NRG1: variants seen among roughly 807,000 people sequenced by gnomAD.
NRG1 encodes the protein pro-neuregulin-1, membrane-bound isoform.
In NRG1, 18 loss-of-function variants were observed where a neutral mutation model predicts 63.8. That is an observed-to-expected ratio of 0.28 (90% CI 0.19 to 0.42). NRG1 has a LOEUF of 0.42. Ranked by LOEUF, NRG1 falls within the 10% of genes least tolerant of loss-of-function variation. NRG1 has a pLI of 1.00. For synonymous variants in NRG1, 302 were observed against 301.3 expected, an observed-to-expected ratio of 1.00 and a Z score of -0.02; for missense variants, 762 against 814.7, an observed-to-expected ratio of 0.94 and a Z score of 0.79.
chr8:32,040,647 GTATGTATA>G (rs1156352990), intron 1 of NRG1, among the ~76,000 whole-genome samples: 8 of 141,832 alleles, frequency 5.6e-5, no homozygotes, highest in East Asian at 2.1e-4. Context: ...GTATATATAT[GTATGTATA>G]TATGTATATA....
intron 5 of NRG1, among the ~76,000 whole-genome samples, chr8:32,688,556 C>T (rs1810784496): frequency 6.6e-6 from 1 of 152,124 alleles, no homozygotes; most frequent in Non-Finnish European, 1.5e-5. Flanking sequence ...CTCTGCTCAA[C>T]CCCAGCCCCT....
At chr8:32,462,870 C>G (rs1476410572) in intron 1 of NRG1, among the ~76,000 whole-genome samples, 5 of 152,084 alleles carry the variant, frequency 3.3e-5, no homozygotes, top group Admixed American at 3.3e-4. Context: ...TCCCAAAGTT[C>G]TGGGATTACA....
intron 1 of NRG1, among the ~76,000 whole-genome samples, chr8:31,875,293 T>C (rs1367092682): frequency 2.6e-5 from 4 of 152,186 alleles, no homozygotes; most frequent in South Asian, 4.1e-4. Flanking sequence ...TTGAGTTCAT[T>C]AATATTGTCT....
At chr8:32,454,573 CTTTTTTTTTTTTT>C (rs1158217383) in intron 1 of NRG1, among the ~76,000 whole-genome samples, 1 of 76,406 alleles carries the variant, frequency 1.3e-5, no homozygotes, top group African/African-American at 5.2e-5. Flanking sequence ...TCCCATCCCT[CTTTTTTTTTTTTT>C]TTTTTTTTTT....
At chr8:32,685,358 A>G (rs1809813228) in intron 5 of NRG1, among the ~76,000 whole-genome samples, 1 of 152,118 alleles carries the variant, frequency 6.6e-6, no homozygotes, top group Non-Finnish European at 1.5e-5. Flanking sequence ...TAAATCAGTG[A>G]TTGTCAACTA....
chr8:32,376,081 T>A (rs1368849767), intron 1 of NRG1, among the ~76,000 whole-genome samples: 2 of 152,228 alleles, frequency 1.3e-5, no homozygotes, highest in Non-Finnish European at 2.9e-5. Flanking sequence ...TTATTTCTTT[T>A]CAAAGGAACA....
chr8:31,829,151 C>T (rs1325390915), intron 1 of NRG1, among the ~76,000 whole-genome samples: 1 of 152,138 alleles, frequency 6.6e-6, no homozygotes, highest in Non-Finnish European at 1.5e-5. Flanking sequence ...AGCAGGTTGT[C>T]CTTCTAGAAT....
intron 1 of NRG1, among the ~76,000 whole-genome samples, chr8:31,788,314 C>T (rs1270070747): frequency 6.6e-6 from 1 of 152,092 alleles, no homozygotes; most frequent in Non-Finnish European, 1.5e-5. Flanking sequence ...TATAAATGCT[C>T]TTTTAAATTA....
chr8:31,933,059 A>T (rs1834994756), intron 1 of NRG1, among the ~76,000 whole-genome samples: 1 of 152,180 alleles, frequency 6.6e-6, no homozygotes, highest in South Asian at 2.1e-4. Flanking sequence ...TGTTATATAA[A>T]ATTTTAAATT....
chr8:32,246,900 T>A (rs957020052), intron 1 of NRG1, among the ~76,000 whole-genome samples: 2 of 151,976 alleles, frequency 1.3e-5, no homozygotes, highest in African/African-American at 2.4e-5. Flanking sequence ...TAGTGTACAG[T>A]GTGGTAAGTG....
At chr8:32,326,012 CT>C (rs68070632) in intron 1 of NRG1, among the ~76,000 whole-genome samples, 38,897 of 138,858 alleles carry the variant, frequency 0.28, 5,903 homozygotes, top group Non-Finnish European at 0.38. Flanking sequence ...TCAGATGTCA[CT>C]TTTTTTTTTT....
At chr8:32,460,963 T>C (rs1007370157) in intron 1 of NRG1, among the ~76,000 whole-genome samples, 1 of 152,230 alleles carries the variant, frequency 6.6e-6, no homozygotes. Flanking sequence ...ATAATTTTCA[T>C]AGATCTAAAA....
intron 1 of NRG1, among the ~76,000 whole-genome samples, chr8:31,913,999 C>T (rs1833163762): frequency 6.6e-6 from 1 of 152,158 alleles, no homozygotes; most frequent in Admixed American, 6.6e-5. Context: ...TACATCATAG[C>T]AACCCACTAA....
chr8:32,149,617 C>T (rs1424876839), intron 1 of NRG1, among the ~76,000 whole-genome samples: 1 of 152,138 alleles, frequency 6.6e-6, no homozygotes, highest in Non-Finnish European at 1.5e-5. Context: ...CTAGAGCATT[C>T]TTTTGTATCC....
Position 32,493,093 on chromosome 8 carries a change from C to T in NRG1, c.38-102735C>T, listed in dbSNP as rs551339562. Among the ~76,000 whole-genome samples, 4 of 152,202 alleles carry T rather than the reference C, an allele frequency of 2.6e-5. 1 individual carries two copies. The highest frequency in any genetic ancestry group is 7.2e-5 in the African/African-American group (3 of 41,518). On this transcript the variant is annotated intron_variant, in intron 1 of 10. Transcript: ENST00000519301. ...CAGGGATTTCCAATGGCAACTTTAC[C>T]GTGCTTACCCAAATGGAGGTAATTA...
At chr8:32,702,014 C>T (rs1277319535) in intron 5 of NRG1, among the ~76,000 whole-genome samples, 1 of 152,190 alleles carries the variant, frequency 6.6e-6, no homozygotes, top group Non-Finnish European at 1.5e-5. Flanking sequence ...AAGTATCCTT[C>T]TCAGATGACT....
intron 1 of NRG1, among the ~76,000 whole-genome samples, chr8:32,292,507 A>G (rs1412667636): frequency 1.3e-5 from 2 of 152,216 alleles, no homozygotes; most frequent in Admixed American, 6.5e-5. Flanking sequence ...ATCAGTTTGC[A>G]TGGCAATTCT....
chr8:32,700,802 G>T lies in NRG1; in HGVS notation c.503-27147G>T, dbSNP rs147867797. On this transcript the variant is annotated intron_variant, in intron 5 of 11. Coordinates refer to ENST00000356819, the Ensembl canonical transcript of NRG1. ...TACATTTTAAGATAAGCAAGTGCCA[G>T]ATTAATGCATATTCTTGCCCTGATT... is the stretch of plus-strand genomic sequence containing the variant. 1.4e-3 allele frequency among the ~76,000 whole-genome samples: 207 copies of T among 152,270 alleles called. 1 individual carries two copies. The highest frequency in any genetic ancestry group is 4.7e-3 in the African/African-American group (196 of 41,562).
intron 1 of NRG1, among the ~76,000 whole-genome samples, chr8:31,823,801 C>A (rs1685302632): frequency 6.6e-6 from 1 of 152,142 alleles, no homozygotes; most frequent in South Asian, 2.1e-4. Flanking sequence ...ATTTAACTTT[C>A]ATGAAAATCT....
Sources: gnomAD v4.1 joint callset for allele counts (sites outside exome capture counted in the v4.1 genomes callset) on GRCh38, gnomAD v4.1.1 for gene constraint, MANE v1.5 for transcripts, NCBI Gene and HGNC (gene_info 2026-07-23, HGNC 2026-07-21) for gene names.